The following PICALM variants were observed in gnomAD, a reference collection of about 807,000 sequenced individuals.
The protein encoded by PICALM is phosphatidylinositol binding clathrin assembly protein, also known as phosphatidylinositol-binding clathrin assembly protein.
In PICALM, 40 loss-of-function variants were observed where a neutral mutation model predicts 80.5. The ratio of observed to expected loss-of-function variants is 0.50; its 90% CI spans 0.39 to 0.65. The LOEUF (loss-of-function observed/expected upper bound fraction) is 0.65, where lower values mean the gene tolerates loss of function less well. Ranked by LOEUF, PICALM falls within the 30% of genes least tolerant of loss-of-function variation. PICALM has a pLI of 0.00. For missense variants in PICALM, 676 were observed against 778.9 expected (o/e 0.87, Z 1.57); for synonymous variants, 288 against 260.3 (o/e 1.11, Z -1.02).
intron 1 of PICALM, among the ~76,000 whole-genome samples, chr11:86,054,362 G>A (rs2096238544): frequency 6.6e-6 from 1 of 152,184 alleles, no homozygotes; most frequent in African/African-American, 2.4e-5. Context: ...ATAAATGGGA[G>A]AAAGGAGGGC....
chr11:85,971,566 T>C (rs771140318), intron 19 of PICALM, among the ~76,000 whole-genome samples: 27 of 151,566 alleles, frequency 1.8e-4, no homozygotes, highest in Non-Finnish European at 3.5e-4. Flanking sequence ...CAAAACTCCA[T>C]CTCTAAAAAA....
intron 1 of PICALM, among the ~76,000 whole-genome samples, chr11:86,038,775 T>G (rs1337314807): frequency 6.9e-6 from 1 of 144,850 alleles, no homozygotes; most frequent in Non-Finnish European, 1.5e-5. Flanking sequence ...AGACTCCATC[T>G]CAGAAAAAAA....
chr11:86,066,529 C>T (rs1174103905), intron 1 of PICALM, among the ~76,000 whole-genome samples: 1 of 152,090 alleles, frequency 6.6e-6, no homozygotes, highest in Non-Finnish European at 1.5e-5. Context: ...AGAGAAATAG[C>T]TAATAACATT....
chr11:86,014,396 T>C (rs577413505), intron 5 of PICALM, among the ~76,000 whole-genome samples: 1 of 152,344 alleles, frequency 6.6e-6, no homozygotes, highest in East Asian at 1.9e-4. Flanking sequence ...GTTCAAGTCA[T>C]GGTCATTAAA....
At chr11:85,991,985 A>G (rs1182760006) in intron 12 of PICALM, among the ~76,000 whole-genome samples, 3 of 152,096 alleles carry the variant, frequency 2.0e-5, no homozygotes, top group Non-Finnish European at 4.4e-5. Flanking sequence ...CCTTCCGAGT[A>G]GCTGAGACTA....
upstream of PICALM, chr11:86,069,472 C>G (rs1342825812): frequency 1.3e-5 from 2 of 152,524 alleles, no homozygotes; most frequent in Non-Finnish European, 2.9e-5. Context: ...AGTGTGTCCT[C>G]GTGTCTGTGG....
chr11:86,035,306 TAGGACACTC>T (rs1329547746), intron 1 of PICALM, among the ~76,000 whole-genome samples: 2 of 152,080 alleles, frequency 1.3e-5, no homozygotes, highest in Admixed American at 1.3e-4. Flanking sequence ...AAACTTAAAT[TAGGACACTC>T]AGGGTTCACT....
At chr11:86,051,763 T>A (rs2096192871) in intron 1 of PICALM, among the ~76,000 whole-genome samples, 3 of 152,224 alleles carry the variant, frequency 2.0e-5, no homozygotes, top group Non-Finnish European at 4.4e-5. Flanking sequence ...CCTATCTATA[T>A]CTCATTCCAT....
At chr11:86,061,859 G>A (rs973397577) in intron 1 of PICALM, among the ~76,000 whole-genome samples, 2 of 151,850 alleles carry the variant, frequency 1.3e-5, no homozygotes, top group African/African-American at 4.8e-5. Context: ...GAGCAACCAA[G>A]ATGTCCTTCA....
At chr11:86,057,516 C>CAACA (rs1246835646) in intron 1 of PICALM, among the ~76,000 whole-genome samples, 1 of 151,896 alleles carries the variant, frequency 6.6e-6, no homozygotes, top group East Asian at 1.9e-4. Flanking sequence ...CCAGCCTGGG[C>CAACA]AACAGAGTAA....
intron 3 of PICALM, among the ~76,000 whole-genome samples, chr11:86,023,211 A>G (rs2095595953): frequency 2.0e-5 from 3 of 152,286 alleles, no homozygotes; most frequent in Admixed American, 6.5e-5. Flanking sequence ...ATTTTATCTC[A>G]TATTCATCTA....
intron 8 of PICALM, among the ~76,000 whole-genome samples, chr11:86,005,596 A>C (rs1337584098): frequency 6.6e-6 from 1 of 151,984 alleles, no homozygotes; most frequent in Non-Finnish European, 1.5e-5. Context: ...TCCCAGCTAC[A>C]AAGGAGGCTG....
intron 2 of PICALM, among the ~76,000 whole-genome samples, chr11:86,030,049 T>C (rs1366333377): frequency 1.3e-5 from 2 of 152,168 alleles, no homozygotes; most frequent in Non-Finnish European, 1.5e-5. Flanking sequence ...GAAAACTCAA[T>C]TTCTAGCAAG....
intron 1 of PICALM, among the ~76,000 whole-genome samples, chr11:86,057,136 CTACTT>C (rs2137539515): frequency 6.6e-6 from 1 of 152,078 alleles, no homozygotes; most frequent in African/African-American, 2.4e-5. Context: ...ACTGAATTCT[CTACTT>C]TAAAACTGAA....
intron 1 of PICALM, among the ~76,000 whole-genome samples, chr11:86,067,441 C>G (rs1565628626): frequency 1.3e-5 from 2 of 152,100 alleles, no homozygotes; most frequent in East Asian, 1.9e-4. Flanking sequence ...AGCTTTGTAC[C>G]CTGGGGTAAA....
intron 2 of PICALM, 29 bp from the exon 3 acceptor site, chr11:86,026,396 G>C (rs771962888): frequency 7.4e-7 from 1 of 1,353,954 alleles, no homozygotes; most frequent in East Asian, 2.3e-5. Context: ...ATCATATTAA[G>C]GTACTGCCAT....
chr11:86,057,654 A>G (rs1337387516), intron 1 of PICALM, among the ~76,000 whole-genome samples: 1 of 152,206 alleles, frequency 6.6e-6, no homozygotes, highest in Non-Finnish European at 1.5e-5. Context: ...TCATGGATTC[A>G]ATCATGAATC....
At chr11:85,982,500 T>G (rs571030250) in intron 14 of PICALM, among the ~76,000 whole-genome samples, 22 of 134,340 alleles carry the variant, frequency 1.6e-4, no homozygotes, top group African/African-American at 5.7e-4. Context: ...CAATCTCGGC[T>G]CACTGCAAGC....
At chr11:86,003,655 T>C (rs1315023428) in intron 8 of PICALM, 1 of 380,822 alleles carries the variant, frequency 2.6e-6, no homozygotes, top group African/African-American at 2.1e-5. Flanking sequence ...TTAAGAAACA[T>C]TATCAAAAAC....
Sources: allele counts gnomAD v4.1 joint callset (sites outside exome capture counted in the v4.1 genomes callset), GRCh38; gene constraint gnomAD v4.1.1; transcripts MANE v1.5; gene names NCBI Gene and HGNC (gene_info 2026-07-23, HGNC 2026-07-21).